The following STRIP2 variants were observed in gnomAD, a reference collection of about 807,000 sequenced individuals.
STRIP2 encodes the protein striatin-interacting protein 2.
In STRIP2, 84 loss-of-function variants were observed where a neutral mutation model predicts 107.1. That is an observed-to-expected ratio of 0.78 (90% confidence interval 0.66 to 0.94). STRIP2 has a LOEUF of 0.94. STRIP2 is among the 40% of genes least tolerant of loss of function. The pLI, the probability that STRIP2 is intolerant of heterozygous loss-of-function variation, is 0.00. For missense variants in STRIP2, 888 were observed against 1,034.2 expected (o/e 0.86, Z 1.94); for synonymous variants, 394 against 400.4 (o/e 0.98, Z 0.19).
At chr7:129,455,761 T>C (rs1390723820) in intron 8 of STRIP2, among the ~76,000 whole-genome samples, 2 of 152,128 alleles carry the variant, frequency 1.3e-5, no homozygotes, top group Non-Finnish European at 2.9e-5. Flanking sequence ...GTGCCTGCCC[T>C]CCCTCCAGAT....
At chr7:129,465,339 G>C (rs1186134594) in intron 16 of STRIP2, among the ~76,000 whole-genome samples, 1 of 152,156 alleles carries the variant, frequency 6.6e-6, no homozygotes, top group Non-Finnish European at 1.5e-5. Context: ...GGAATTGTTA[G>C]GGAAGGAGGA....
chr7:129,478,425 G>T (rs1018833890), intron 18 of STRIP2, among the ~76,000 whole-genome samples: 1 of 152,026 alleles, frequency 6.6e-6, no homozygotes, highest in Non-Finnish European at 1.5e-5. Context: ...CAGGAGAATC[G>T]CTTGAACCCG....
At chr7:129,464,460 G>GC in intron 15 of STRIP2, 152 bp from the exon 16 acceptor site, 1 of 785,122 alleles carries the variant, frequency 1.3e-6, no homozygotes. Context: ...AGGCTCATAA[G>GC]TGGGAACTCT....
At chr7:129,456,774 A>C in intron 9 of STRIP2, 132 bp downstream of exon 9, 1 of 769,126 alleles carries the variant, frequency 1.3e-6, no homozygotes, top group Non-Finnish European at 2.1e-6. Context: ...CCTATGACCA[A>C]CCTGAAATCT....
intron 2 of STRIP2, among the ~76,000 whole-genome samples, chr7:129,442,158 G>A (rs529324176): frequency 8.5e-5 from 13 of 152,310 alleles, no homozygotes; most frequent in African/African-American, 3.1e-4. Context: ...CTGGGAGGCA[G>A]AGGTTGCAGT....
intron 14 of STRIP2, among the ~76,000 whole-genome samples, chr7:129,463,639 G>A (rs1798599800): frequency 6.6e-6 from 1 of 152,178 alleles, no homozygotes; most frequent in African/African-American, 2.4e-5. Context: ...GGGATTACAG[G>A]CACATGCCAC....
Position 129,434,498 on chromosome 7 carries a change from C to G in STRIP2, c.26C>G (p.Thr9Ser), listed in dbSNP as rs1797672343. The change falls in exon 1 of 21, where the codon ACC (threonine) becomes AGC (serine). Residue 9 changes from threonine to serine, a missense_variant. Transcript: ENST00000249344. MEDPAAPG[T>S]GGPPANGNGN... ...ATGGAGGACCCCGCCGCGCCTGGGA[C>G]CGGGGGCCCGCCCGCAAATGGCAAT... 6.6e-7 allele frequency: 1 copy of G among 1,517,254 alleles called. No individual in the cohort carries two copies. The highest frequency in any genetic ancestry group is 8.8e-7 in the Non-Finnish European group (1 of 1,139,440). The allele number at this position is 1,517,254 out of a possible 1,614,324, so 94.0% of individuals were successfully genotyped here.
chr7:129,454,329 G>A, intron 6 of STRIP2, 92 bp from the exon 7 acceptor site: 1 of 1,461,744 alleles, frequency 6.8e-7, no homozygotes, highest in Non-Finnish European at 9.6e-7. Context: ...AATCTCACTG[G>A]GTTGGGCTTC....
At chr7:129,442,239 A>ATAC (rs1797920679) in intron 2 of STRIP2, among the ~76,000 whole-genome samples, 1 of 152,174 alleles carries the variant, frequency 6.6e-6, no homozygotes. Context: ...AATAATAATA[A>ATAC]TAATAAATGC....
intron 17 of STRIP2, among the ~76,000 whole-genome samples, chr7:129,470,403 T>A (rs893490422): frequency 6.6e-6 from 1 of 152,244 alleles, no homozygotes; most frequent in Non-Finnish European, 1.5e-5. Flanking sequence ...GCTCTCTTTC[T>A]GCTTTCTTTT....
intron 1 of STRIP2, among the ~76,000 whole-genome samples, 156 bp downstream of exon 1, chr7:129,434,757 T>C (rs908456286): frequency 3.9e-5 from 6 of 152,380 alleles, no homozygotes; most frequent in Non-Finnish European, 4.4e-5. Flanking sequence ...AACTCTGGGC[T>C]CTTTGGCCCG....
At chr7:129,439,952 GGTACA>G in intron 1 of STRIP2, 65 bp from the exon 2 acceptor site, 5 of 1,198,114 alleles carry the variant, frequency 4.2e-6, no homozygotes, top group Non-Finnish European at 6.2e-6. Context: ...GATAAATAAG[GGTACA>G]GTCTTCCCTT....
rs1012648364 is a variant in STRIP2 at position 129,457,285 on chromosome 7, A to G, written c.1038+643A>G. ...GCATATAGCCTATTGTTCCTAGACTACAAACCTGTACAGCAGGTTACTATA... is the reference window on the plus strand; with the variant it reads ...GCATATAGCCTATTGTTCCTAGACTGCAAACCTGTACAGCAGGTTACTATA... On this transcript the variant is annotated intron_variant, in intron 9 of 20. Transcript: ENST00000249344. Among the ~76,000 whole-genome samples the G allele has an allele frequency of 1.1e-4, 17 of 152,258 alleles. No individual in the cohort carries two copies. In the East Asian group the frequency reaches 3.1e-3, roughly 28 times the overall value.
At chr7:129,452,941 C>T (rs183640410) in intron 4 of STRIP2, among the ~76,000 whole-genome samples, 12 of 152,276 alleles carry the variant, frequency 7.9e-5, no homozygotes, top group African/African-American at 2.9e-4. Context: ...GAATGATTCC[C>T]AAATAAGCTA....
At chr7:129,445,477 A>G (rs1798011003) in intron 3 of STRIP2, among the ~76,000 whole-genome samples, 1 of 151,786 alleles carries the variant, frequency 6.6e-6, no homozygotes. Flanking sequence ...GGAAGCAAAA[A>G]TTTTGCTACT....
intron 18 of STRIP2, 116 bp downstream of exon 18, chr7:129,470,831 G>A (rs1798773448): frequency 1.2e-6 from 1 of 840,872 alleles, no homozygotes; most frequent in Non-Finnish European, 2.0e-6. Flanking sequence ...TCAGATCAAT[G>A]AAGGTATATT....
chr7:129,484,304 T>C, intron 20 of STRIP2, among the ~76,000 whole-genome samples: 1 of 152,234 alleles, frequency 6.6e-6, no homozygotes, highest in East Asian at 1.9e-4. Flanking sequence ...GAAGGCAAGA[T>C]ATTTGGTTAA....
intron 1 of STRIP2, among the ~76,000 whole-genome samples, chr7:129,437,403 A>ACT (rs1403395990): frequency 6.6e-6 from 1 of 152,010 alleles, no homozygotes. Context: ...ATGCCACTGC[A>ACT]CTCCAGCCTG....
chr7:129,462,545 C>T (rs890767714), intron 13 of STRIP2, among the ~76,000 whole-genome samples: 1 of 152,188 alleles, frequency 6.6e-6, no homozygotes, highest in African/African-American at 2.4e-5. Flanking sequence ...CATTTCCATC[C>T]ACTTAAAAGC....
Sources: allele counts gnomAD v4.1 joint callset (sites outside exome capture counted in the v4.1 genomes callset), GRCh38; gene constraint gnomAD v4.1.1; transcripts MANE v1.5; gene names NCBI Gene and HGNC (gene_info 2026-07-23, HGNC 2026-07-21).